Variants in TSPAN5 observed in about 807,000 individuals in gnomAD.
TSPAN5 encodes tetraspanin-5.
Under a neutral mutation model 37.1 loss-of-function variants are expected in TSPAN5, and 10 were observed. The observed-to-expected ratio is 0.27, with a 90% CI of 0.17 to 0.46. The LOEUF (loss-of-function observed/expected upper bound fraction) is 0.46. Ranked by LOEUF, TSPAN5 falls within the 20% of genes least tolerant of loss-of-function variation. The pLI is 1.00. For synonymous variants in TSPAN5, 110 were observed against 118.9 expected (o/e 0.93, Z 0.48); for missense variants, 195 against 326.6 (o/e 0.60, Z 3.11).
At chr4:98,553,299 T>G (rs1754663456) in intron 1 of TSPAN5, among the ~76,000 whole-genome samples, 1 of 152,158 alleles carries the variant, frequency 6.6e-6, no homozygotes, top group South Asian at 2.1e-4. Context: ...AAACTAAAGT[T>G]CAAGGCTAAA....
intron 5 of TSPAN5, 146 bp downstream of exon 5, chr4:98,478,539 T>G: frequency 1.1e-6 from 1 of 926,580 alleles, no homozygotes; most frequent in South Asian, 1.5e-5. Flanking sequence ...ACTAGGAAGA[T>G]TTGAGCACCA....
intron 2 of TSPAN5, among the ~76,000 whole-genome samples, chr4:98,500,779 A>G (rs1286227086): frequency 1.3e-5 from 2 of 152,152 alleles, no homozygotes; most frequent in Non-Finnish European, 2.9e-5. Context: ...CTGGGCATCC[A>G]TTGTGTAGGA....
intron 2 of TSPAN5, among the ~76,000 whole-genome samples, chr4:98,494,514 T>C (rs987974045): frequency 1.3e-5 from 2 of 151,636 alleles, no homozygotes; most frequent in African/African-American, 4.8e-5. Flanking sequence ...TCAATTTCTG[T>C]ATCTGTGAAA....
At chr4:98,590,707 C>CAA (rs201373765) in intron 1 of TSPAN5, among the ~76,000 whole-genome samples, 98 of 91,474 alleles carry the variant, frequency 1.1e-3, no homozygotes, top group African/African-American at 3.5e-3. Context: ...GAGACTGTCT[C>CAA]AAAAAAAAAA....
chr4:98,472,656 A>C, intron 7 of TSPAN5, 69 bp from the exon 8 acceptor site: 1 of 1,320,420 alleles, frequency 7.6e-7, no homozygotes. Context: ...ACTGTGTCCC[A>C]TTTTTTTAAA....
At position 98,488,673 on chromosome 4, in the gene TSPAN5, G is replaced by C. The variant is rs772484827; in HGVS notation, c.133-1789C>G. Among the ~76,000 whole-genome samples the C allele has an allele frequency of 3.3e-5, 5 of 152,298 alleles. No individual in the cohort carries two copies. In the South Asian group the frequency reaches 6.2e-4, roughly 19 times the overall value. On this transcript the variant is annotated intron_variant, in intron 2 of 7. Transcript: ENST00000305798. Reference sequence around the variant, plus strand: ...ATGAATATTTACTCCGGGGGAAAAGGTTGAAGGAAAACAGAAATACTCAAA... The same window carrying C: ...ATGAATATTTACTCCGGGGGAAAAGCTTGAAGGAAAACAGAAATACTCAAA...
chr4:98,524,295 A>G (rs546526658), intron 1 of TSPAN5, among the ~76,000 whole-genome samples: 93 of 152,350 alleles, frequency 6.1e-4, no homozygotes, highest in African/African-American at 2.1e-3. Flanking sequence ...GAGGGTCGCC[A>G]TGGGAAAGTA....
At chr4:98,475,955 A>C (rs1036440942) in intron 7 of TSPAN5, among the ~76,000 whole-genome samples, 2 of 152,120 alleles carry the variant, frequency 1.3e-5, no homozygotes, top group African/African-American at 4.8e-5. Context: ...ATGCCACTGC[A>C]CTCTAGCCTG....
intron 1 of TSPAN5, among the ~76,000 whole-genome samples, chr4:98,532,740 G>A (rs1245753481): frequency 6.6e-6 from 1 of 152,312 alleles, no homozygotes; most frequent in East Asian, 1.9e-4. Flanking sequence ...GAATAGGAGT[G>A]GTGAGAGAGG....
At chr4:98,481,222 A>G (rs1336378021) in intron 4 of TSPAN5, among the ~76,000 whole-genome samples, 2 of 152,184 alleles carry the variant, frequency 1.3e-5, no homozygotes, top group African/African-American at 4.8e-5. Flanking sequence ...GTTAGACAGT[A>G]GCTAGTATTA....
At chr4:98,649,906 A>C (rs1042625093) in intron 1 of TSPAN5, among the ~76,000 whole-genome samples, 1 of 152,230 alleles carries the variant, frequency 6.6e-6, no homozygotes. Context: ...ACCAGGGCAA[A>C]GAACAATCTG....
chr4:98,525,037 T>C (rs1304296369), intron 1 of TSPAN5, among the ~76,000 whole-genome samples: 1 of 152,192 alleles, frequency 6.6e-6, no homozygotes, highest in Non-Finnish European at 1.5e-5. Context: ...CTGGTATCTA[T>C]TACTATTTCA....
chr4:98,481,003 C>T (rs1027537760), intron 4 of TSPAN5, among the ~76,000 whole-genome samples: 2 of 152,008 alleles, frequency 1.3e-5, no homozygotes, highest in Admixed American at 6.6e-5. Context: ...AACTATCCAA[C>T]CCCAAGAAGG....
intron 1 of TSPAN5, among the ~76,000 whole-genome samples, chr4:98,639,345 T>G (rs2110275299): frequency 6.6e-6 from 1 of 152,250 alleles, no homozygotes; most frequent in Non-Finnish European, 1.5e-5. Flanking sequence ...TGAGACAAGG[T>G]TTTGCTCTGT....
At chr4:98,554,932 G>A (rs767146895) in intron 1 of TSPAN5, among the ~76,000 whole-genome samples, 2 of 152,180 alleles carry the variant, frequency 1.3e-5, no homozygotes, top group Non-Finnish European at 2.9e-5. Context: ...TTGGGGAGAG[G>A]AAGTGACATG....
intron 1 of TSPAN5, among the ~76,000 whole-genome samples, chr4:98,598,092 T>C (rs11097624): frequency 0.59 from 36,744 of 62,804 alleles, 12,130 homozygotes; most frequent in African/African-American, 0.81. Flanking sequence ...CAGCGAGATT[T>C]CGTGGGCGTA....
chr4:98,585,391 C>A (rs1204376434), intron 1 of TSPAN5, among the ~76,000 whole-genome samples: 2 of 152,094 alleles, frequency 1.3e-5, no homozygotes, highest in African/African-American at 4.8e-5. Flanking sequence ...CTTACTGCGA[C>A]CTCTGCCTCC....
intron 2 of TSPAN5, among the ~76,000 whole-genome samples, chr4:98,501,937 C>T (rs1753361311): frequency 6.6e-6 from 1 of 152,174 alleles, no homozygotes; most frequent in African/African-American, 2.4e-5. Context: ...GAGGCTTCTG[C>T]ACAAATGCAG....
At chr4:98,567,808 C>T (rs1026866623) in intron 1 of TSPAN5, among the ~76,000 whole-genome samples, 1 of 151,800 alleles carries the variant, frequency 6.6e-6, no homozygotes, top group Non-Finnish European at 1.5e-5. Flanking sequence ...GCGGTGGTGG[C>T]GGGGCGGGGG....
Sources: allele counts gnomAD v4.1 joint callset (sites outside exome capture counted in the v4.1 genomes callset), GRCh38; gene constraint gnomAD v4.1.1; transcripts MANE v1.5; gene names NCBI Gene and HGNC (gene_info 2026-07-23, HGNC 2026-07-21).